Variants in CASKIN2 observed in about 807,000 individuals in gnomAD.
CASKIN2 encodes the protein caskin-2.
A neutral mutation model predicts 107.1 loss-of-function variants in CASKIN2; 41 were observed. That is an observed-to-expected ratio of 0.38 (90% CI 0.30 to 0.50). The LOEUF (loss-of-function observed/expected upper bound fraction) is 0.50, where lower values mean the gene tolerates loss of function less well. Among genes scored for constraint, CASKIN2 ranks in the 20% least tolerant of loss-of-function variants. The pLI is 0.92. For missense variants in CASKIN2, 1,546 were observed against 1,657.4 expected, an observed-to-expected ratio of 0.93 and a Z score of 1.17; for synonymous variants, 724 against 705.6, an observed-to-expected ratio of 1.03 and a Z score of -0.41.
chr17:75,508,755 G>C (rs2053292017), intron 2 of CASKIN2, among the ~76,000 whole-genome samples: 1 of 152,240 alleles, frequency 6.6e-6, no homozygotes, highest in Admixed American at 6.5e-5. Flanking sequence ...ACATTAGACA[G>C]ACCTCTACCC....
intron 2 of CASKIN2, among the ~76,000 whole-genome samples, chr17:75,512,393 T>TG (rs997354114): frequency 1.1e-4 from 17 of 152,008 alleles, no homozygotes; most frequent in African/African-American, 3.6e-4. Flanking sequence ...ATTCTCCCTG[T>TG]GGGGGGTCGC....
Position 75,502,467 on chromosome 17 carries a change from CG to C in CASKIN2, c.2606del (p.Pro869ArgfsTer21). 1 of 1,156,294 alleles carries C rather than the reference CG, an allele frequency of 8.6e-7. No individual in the cohort carries two copies. The highest frequency in any genetic ancestry group is 1.1e-6 in the Non-Finnish European group (1 of 925,296). The allele number at this position is 1,156,294 out of a possible 1,614,324, so 71.6% of individuals were successfully genotyped here. On this transcript the variant is annotated frameshift_variant, in exon 18 of 20. Transcript: ENST00000321617. LOFTEE classifies it high-confidence loss of function. The surrounding 1 kb of genome is among the most constrained non-coding windows in gnomAD (Gnocchi z 4.3). ...FALRARRKGP[P>X]PPPPKRLSSV... ...AGCTGAGGCGCTTGGGGGGCGGGGGCGGGGGGCCTTTGCGCCGGGCCCGCAG... is the reference window on the plus strand; with the variant it reads ...AGCTGAGGCGCTTGGGGGGCGGGGGCGGGGGCCTTTGCGCCGGGCCCGCAG...
intron 2 of CASKIN2, chr17:75,509,524 G>C (rs1208307416): frequency 1.0e-6 from 1 of 970,336 alleles, no homozygotes; most frequent in Non-Finnish European, 1.2e-6. Flanking sequence ...CAAAGGTAAA[G>C]ACAGAGCCAG....
chr17:75,509,754 T>C, intron 2 of CASKIN2: 1 of 985,512 alleles, frequency 1.0e-6, no homozygotes. Flanking sequence ...GACAATGCGG[T>C]CAGCAGGGAA....
In CASKIN2 at chr17:75,504,410, CCCTT is replaced by C. The variant is rs753019766; in HGVS notation, c.1375+6_1375+9del. On this transcript the variant is annotated splice_donor_region_variant and intron_variant, in intron 13 of 19. Coordinates refer to ENST00000321617, the MANE Select transcript of CASKIN2 (RefSeq NM_020753.5). ...CTCCTAGCCAACCCAGGTCCCCTGA[CCCTT>C]CCTACCTGCCAGGGACGGCGGGTGG... 2.2e-5 allele frequency: 35 copies of C among 1,606,066 alleles called. No homozygotes were observed. The highest frequency in any genetic ancestry group is 2.7e-5 in the Non-Finnish European group (32 of 1,174,586).
rs1389839952 is a variant in CASKIN2, at chr17:75,503,749, G to A, written c.1590C>T (p.Ala530=). Reference sequence around the variant, plus strand: ...TGTGCCCAGGCTTGGTCACCCCGATGGCCGTCAGGTCCTGCCACACAAAGT... The same window carrying A: ...TGTGCCCAGGCTTGGTCACCCCGATAGCCGTCAGGTCCTGCCACACAAAGT... ...ISRMTPEDLT[A]IGVTKPGHRK... is the part of the protein sequence containing the mutation. Residue 530 remains alanine (A), a synonymous_variant, in exon 16 of 20, where the codon GCC becomes GCT. Transcript: ENST00000321617. The A allele has an allele frequency of 1.9e-6, 3 of 1,612,198 alleles. No homozygotes were observed. Among genetic ancestry groups the A allele is most frequent in the Non-Finnish European group, 2.5e-6 (3 of 1,179,982 alleles).
chr17:75,500,574 G>A lies in CASKIN2; in HGVS notation c.*506C>T, dbSNP rs1260409623. The A allele has an allele frequency of 6.4e-6, 1 of 157,276 alleles. No homozygotes were observed. Among genetic ancestry groups the A allele is most frequent in the Non-Finnish European group, 1.4e-5 (1 of 70,952 alleles). The allele number at this position is 157,276 out of a possible 1,614,324, so 9.7% of individuals were successfully genotyped here. A position where few individuals can be genotyped will look rare whatever the true frequency, so the allele number is the denominator to read the frequency against. On this transcript the variant is annotated 3_prime_UTR_variant, in exon 20 of 20. Transcript: ENST00000321617. The stretch of plus-strand genomic sequence containing the variant: ...CCTCAGTGAGGGAAGGCGGGGGCAG[G>A]AGCTGCCTGGGCACCACCGCTGTGT...
intron 4 of CASKIN2, 75 bp downstream of exon 4, chr17:75,507,509 C>A: frequency 9.2e-7 from 1 of 1,092,290 alleles, no homozygotes; most frequent in Non-Finnish European, 1.4e-6. Context: ...GTCATAGGAG[C>A]AAGCTCTGGT....
chr17:75,509,482 CA>C (rs1408641377), intron 2 of CASKIN2: 1 of 774,810 alleles, frequency 1.3e-6, no homozygotes, highest in African/African-American at 1.9e-5. Context: ...GGGACAGCTA[CA>C]TTGAGGGCCA....
chr17:75,512,899 C>CA (rs35985597), intron 2 of CASKIN2, among the ~76,000 whole-genome samples: 98,429 of 145,278 alleles, frequency 0.68, 34,561 homozygotes, highest in Middle Eastern at 0.82. Context: ...GACTCCGTCT[C>CA]AAAAAAAAAA....
chr17:75,514,682 G>A (rs2053341854), intron 1 of CASKIN2, among the ~76,000 whole-genome samples: 1 of 152,196 alleles, frequency 6.6e-6, no homozygotes, highest in Non-Finnish European at 1.5e-5. Flanking sequence ...TCAAGGCTTC[G>A]CTTTAATGGC....
At chr17:75,503,591 G>A in intron 16 of CASKIN2, 64 bp from the exon 17 acceptor site, 9 of 1,603,786 alleles carry the variant, frequency 5.6e-6, no homozygotes, top group Non-Finnish European at 7.6e-6. Flanking sequence ...GAGGAGAAAA[G>A]GCACCGCAAA....
chr17:75,505,788 C>T lies in CASKIN2; in HGVS notation c.835+33G>A, dbSNP rs774847894. The T allele has an allele frequency of 6.2e-7, 1 of 1,601,756 alleles. No homozygotes were observed. The highest frequency in any genetic ancestry group is 8.5e-7 in the Non-Finnish European group (1 of 1,171,672). On this transcript the variant is annotated intron_variant, in intron 9 of 19. Transcript: ENST00000321617. The surrounding 1 kb of genome is among the most constrained non-coding windows in gnomAD (Gnocchi z 5.1). ...CTGGTACCACTTGAGCGGCCCCAGGCCCCCTGGGCAGGGTATCCTCCCCCG... is the reference window on the plus strand; with the variant it reads ...CTGGTACCACTTGAGCGGCCCCAGGTCCCCTGGGCAGGGTATCCTCCCCCG...
chr17:75,502,163 G>A lies in CASKIN2; in HGVS notation c.2911C>T (p.Pro971Ser), dbSNP rs1689903564. Residue 971 changes from proline to serine, a missense_variant, in exon 18 of 20, where the codon CCC becomes TCC. By Grantham distance (74) the Pro-to-Ser change is moderately conservative (BLOSUM62 -1). Around this residue, in one of 6 missense-constraint regions of CASKIN2, gnomAD observed 1,311 missense variants for 1,311.0 expected, o/e 1.00. Transcript: ENST00000321617. The surrounding 1 kb of genome is among the most constrained non-coding windows in gnomAD (Gnocchi z 4.3). ...KQRPKPAGPPPRETPVPPGLD... is the reference protein window; with the variant it reads ...KQRPKPAGPPSRETPVPPGLD... ...CCGGGGGGCACGGGTGTCTCTCGGG[G>A]CGGGGGGCCAGCGGGCTTCGGGCGC... The A allele has an allele frequency of 6.2e-7, 1 of 1,601,282 alleles. No individual in the cohort carries two copies. The highest frequency in any genetic ancestry group is 1.3e-5 in the African/African-American group (1 of 74,916).
intron 2 of CASKIN2, among the ~76,000 whole-genome samples, chr17:75,510,933 C>T (rs2053310956): frequency 1.3e-5 from 2 of 151,856 alleles, no homozygotes; most frequent in Non-Finnish European, 2.9e-5. Flanking sequence ...CCTAGGCCAG[C>T]ATGGTGGCAT....
At chr17:75,510,332 G>A (rs909502828) in intron 2 of CASKIN2, among the ~76,000 whole-genome samples, 1 of 152,172 alleles carries the variant, frequency 6.6e-6, no homozygotes, top group African/African-American at 2.4e-5. Context: ...GGAGGCTGAG[G>A]GAGCATCTCC....
At chr17:75,515,225 G>C (rs1480008652) in intron 1 of CASKIN2, 176 bp downstream of exon 1, 2 of 152,398 alleles carry the variant, frequency 1.3e-5, no homozygotes, top group Non-Finnish European at 2.9e-5. Flanking sequence ...GGAACAAAGC[G>C]GCGGGAGAAG....
rs149247788 is a variant in CASKIN2, at chr17:75,511,513, GA to G, written c.94+2197del. Among the ~76,000 whole-genome samples, 1,283 of 152,282 alleles carry G rather than the reference GA, an allele frequency of 8.4e-3. 28 individuals carry two copies. Among genetic ancestry groups the G allele is most frequent in the East Asian group, 0.065 (339 of 5,184 alleles). ...TTTCCTTATCTACAGAACGGATATT[GA>G]AATACCTATCTCACAGGCAAGTGAG... is the stretch of plus-strand genomic sequence containing the variant. On this transcript the variant is annotated intron_variant, in intron 2 of 19. Transcript: ENST00000321617.
At chr17:75,508,342 C>G in intron 2 of CASKIN2, 57 bp from the exon 3 acceptor site, 1 of 1,567,034 alleles carries the variant, frequency 6.4e-7, no homozygotes, top group Non-Finnish European at 8.7e-7. Context: ...CACTCAGCAT[C>G]CCTCCCCCCA....
Sources: gnomAD v4.1 joint callset for allele counts (sites outside exome capture counted in the v4.1 genomes callset) on GRCh38, gnomAD v4.1.1 for gene constraint, gnomAD v4.1.1 regional missense constraint, Gnocchi (gnomAD v3.1) non-coding constraint, MANE v1.5 for transcripts, NCBI Gene and HGNC (gene_info 2026-07-23, HGNC 2026-07-21) for gene names.